The following LAMA1 variants were observed in gnomAD, a reference collection of about 807,000 sequenced individuals.
The protein encoded by LAMA1 is laminin subunit alpha-1.
In LAMA1, 219 loss-of-function variants were observed where a neutral mutation model predicts 348.7. That is an observed-to-expected ratio of 0.63 (90% confidence interval 0.56 to 0.70). The LOEUF is 0.70. LAMA1 is among the 30% of genes least tolerant of loss of function. The pLI is 0.00. For synonymous variants in LAMA1, 1,487 were observed against 1,491.0 expected (o/e 1.00, Z 0.06); for missense variants, 3,744 against 3,888.0 (o/e 0.96, Z 0.99).
At chr18:7,034,355 A>G (rs613298) in intron 14 of LAMA1, 124 bp downstream of exon 14, 1 of 749,000 alleles carries the variant, frequency 1.3e-6, no homozygotes, top group African/African-American at 1.8e-5. Flanking sequence ...AGACAGCCAG[A>G]TCCTGTAGCT....
At chr18:7,054,466 G>A (rs532426368) in intron 3 of LAMA1, among the ~76,000 whole-genome samples, 1 of 151,686 alleles carries the variant, frequency 6.6e-6, no homozygotes, top group Non-Finnish European at 1.5e-5. Context: ...GGTTGGGGTA[G>A]CAAGCAACAA....
At chr18:7,060,783 A>G (rs944457780) in intron 3 of LAMA1, among the ~76,000 whole-genome samples, 1 of 152,186 alleles carries the variant, frequency 6.6e-6, no homozygotes, top group Non-Finnish European at 1.5e-5. Context: ...CGATTTCAAA[A>G]GGAGCCCACC....
chr18:6,943,342 C>T lies in LAMA1; in HGVS notation c.8905G>A (p.Ala2969Thr), dbSNP rs1208865712. The change falls in exon 62 of 63, where the codon GCC (alanine) becomes ACC (threonine). Residue 2969 changes from alanine (A) to threonine (T), a missense_variant. Around this residue, in one of 3 missense-constraint regions of LAMA1, gnomAD observed 232 missense variants for 264.4 expected, o/e 0.88. Transcript: ENST00000389658. Reference protein sequence around the residue: ...RITAAYEPKTATVLCDGKWHT... With the variant: ...RITAAYEPKTTTVLCDGKWHT... ...CATTTTCCATCACAGAGCACAGTGG[C>T]GGTTTTGGGCTCATATGCAGCTGTT... is the stretch of plus-strand genomic sequence containing the variant. The T allele has an allele frequency of 6.2e-6, 10 of 1,613,986 alleles. No homozygotes were observed. The highest frequency in any genetic ancestry group is 3.3e-5 in the Admixed American group (2 of 60,000).
chr18:7,094,285 G>A (rs550382335), intron 1 of LAMA1, among the ~76,000 whole-genome samples: 4 of 151,764 alleles, frequency 2.6e-5, no homozygotes, highest in Non-Finnish European at 4.4e-5. Context: ...TGAGCCGCGC[G>A]TGGTGGCAAG....
In LAMA1 at chr18:6,999,590, G is replaced by T; in HGVS notation, c.4518C>A (p.Cys1506Ter). The T allele has an allele frequency of 6.2e-7, 1 of 1,613,828 alleles. No individual in the cohort carries two copies. The highest frequency in any genetic ancestry group is 1.1e-5 in the South Asian group (1 of 91,012). The stretch of plus-strand genomic sequence containing the variant: ...CGTGCGGGTTGCAGTCACACTTCTG[G>T]CAACTGCCACCTGGTGTTTGAGGGT... Reference protein sequence around the residue: ...YGNPQTPGGSCQKCDCNPHGS... With the variant: ...YGNPQTPGGS Residue 1506 changes from cysteine (C) to a stop codon, truncating the protein, a stop_gained, in exon 32 of 63, where the codon TGC becomes TGA. Transcript: ENST00000389658. LOFTEE classifies it high-confidence loss of function.
chr18:7,104,555 T>C (rs1342035014), intron 1 of LAMA1, among the ~76,000 whole-genome samples: 1 of 152,134 alleles, frequency 6.6e-6, no homozygotes, highest in Non-Finnish European at 1.5e-5. Flanking sequence ...GCTCCCGTGA[T>C]GGAACTACAG....
chr18:6,961,190 T>C (rs1212202220), intron 53 of LAMA1, among the ~76,000 whole-genome samples: 1 of 152,204 alleles, frequency 6.6e-6, no homozygotes, highest in Non-Finnish European at 1.5e-5. Flanking sequence ...AATCCTATAA[T>C]AGATAAAGAA....
In LAMA1 at chr18:6,985,353, G is replaced by C. The variant is rs778082157; in HGVS notation, c.5544C>G (p.Ile1848Met). Residue 1848 changes from isoleucine (I) to methionine (M), a missense_variant, in exon 39 of 63, where the codon ATC becomes ATG. Coordinates refer to ENST00000389658, the MANE Select transcript of LAMA1 (RefSeq NM_005559.4). ...TGACCAGGTCATCTATGTGGTGCCT[G>C]ATTTTGGCAGACCATAAAAGTAGCT... ...QDKLLLWSAKIRHHIDDLVMH... is the reference protein window; with the variant it reads ...QDKLLLWSAKMRHHIDDLVMH... The C allele has an allele frequency of 4.3e-6, 7 of 1,614,172 alleles. No individual in the cohort carries two copies. The South Asian group carries it at 7.7e-5, about 18-fold the overall frequency.
chr18:7,011,651 C>T (rs959241190), intron 24 of LAMA1, among the ~76,000 whole-genome samples, 172 bp from the exon 25 acceptor site: 9 of 152,282 alleles, frequency 5.9e-5, no homozygotes, highest in Non-Finnish European at 1.0e-4. Context: ...ACTGAAAGTG[C>T]TTTAAACTAC....
intron 43 of LAMA1, 126 bp from the exon 44 acceptor site, chr18:6,978,007 G>T (rs1460487452): frequency 8.6e-6 from 11 of 1,282,148 alleles, no homozygotes; most frequent in Non-Finnish European, 1.0e-5. Context: ...ATGACATTGT[G>T]GTACAAAGAT....
chr18:7,002,530 ATTC>A, intron 29 of LAMA1, 145 bp from the exon 30 acceptor site: 11 of 919,018 alleles, frequency 1.2e-5, no homozygotes, highest in Non-Finnish European at 1.9e-5. Context: ...TTTCCTCCAT[ATTC>A]TTAAAATCCT....
At chr18:6,988,808 T>TAAAA (rs1169877701) in intron 36 of LAMA1, among the ~76,000 whole-genome samples, 13,801 of 100,184 alleles carry the variant, frequency 0.14, 1,349 homozygotes, top group African/African-American at 0.23. Context: ...TCCGTCTCAA[T>TAAAA]AAAAAAAAAA....
At chr18:7,106,973 C>T (rs2058314362) in intron 1 of LAMA1, among the ~76,000 whole-genome samples, 1 of 152,068 alleles carries the variant, frequency 6.6e-6, no homozygotes, top group Non-Finnish European at 1.5e-5. Context: ...GCCTCTGCCC[C>T]TCCTCCCCCG....
chr18:7,063,471 A>G (rs2058110457), intron 3 of LAMA1, among the ~76,000 whole-genome samples: 1 of 152,214 alleles, frequency 6.6e-6, no homozygotes, highest in African/African-American at 2.4e-5. Context: ...ACATAGAATT[A>G]CAACATGATG....
intron 1 of LAMA1, among the ~76,000 whole-genome samples, chr18:7,091,095 C>T (rs560649490): frequency 6.6e-6 from 1 of 152,194 alleles, no homozygotes; most frequent in East Asian, 1.9e-4. Context: ...TTCAATGACT[C>T]TGTGATTTTT....
chr18:7,101,540 C>G (rs148702985), intron 1 of LAMA1, among the ~76,000 whole-genome samples: 3 of 152,162 alleles, frequency 2.0e-5, no homozygotes, highest in Non-Finnish European at 4.4e-5. Flanking sequence ...TGCAGAAGTG[C>G]GTGTTGGATC....
At chr18:6,982,773 G>C (rs535959) in intron 40 of LAMA1, among the ~76,000 whole-genome samples, 183 bp from the exon 41 acceptor site, 17,735 of 152,132 alleles carry the variant, frequency 0.12, 1,942 homozygotes, top group African/African-American at 0.29. Context: ...TTTTTAAGTA[G>C]ATAAGGAAGG....
chr18:7,087,402 T>C (rs774857448), intron 1 of LAMA1, among the ~76,000 whole-genome samples: 3 of 152,216 alleles, frequency 2.0e-5, no homozygotes, highest in Non-Finnish European at 4.4e-5. Context: ...AAACAGATGA[T>C]GCTCCACGCC....
intron 30 of LAMA1, 56 bp from the exon 31 acceptor site, chr18:7,000,053 T>A: frequency 7.8e-7 from 1 of 1,288,810 alleles, no homozygotes; most frequent in Non-Finnish European, 1.1e-6. Flanking sequence ...CATCTTTCCT[T>A]AAGGTACTTA....
Sources: allele counts gnomAD v4.1 joint callset (sites outside exome capture counted in the v4.1 genomes callset), GRCh38; gene constraint gnomAD v4.1.1; regional missense constraint gnomAD v4.1.1; transcripts MANE v1.5; gene names NCBI Gene and HGNC (gene_info 2026-07-23, HGNC 2026-07-21).